SUN5: variants seen among roughly 807,000 people sequenced by gnomAD.
SUN5 encodes Sad1 and UNC84 domain containing 5, also known as SUN domain-containing protein 5.
A neutral mutation model predicts 53.7 loss-of-function variants in SUN5; 44 were observed. The observed-to-expected ratio is 0.82, with a 90% CI of 0.64 to 1.05. The LOEUF is 1.05. Among genes scored for constraint, SUN5 ranks in the 50% least tolerant of loss-of-function variants. The probability of loss-of-function intolerance (pLI) is 0.00; values close to 1 mark genes in which losing one functional copy is unlikely to be tolerated. For missense variants in SUN5, 433 were observed against 483.8 expected, an observed-to-expected ratio of 0.90 and a Z score of 0.98; for synonymous variants, 166 against 179.8, an observed-to-expected ratio of 0.92 and a Z score of 0.62.
chr20:33,003,024 G>T, intron 1 of SUN5, 105 bp from the exon 2 acceptor site: 2 of 1,334,892 alleles, frequency 1.5e-6, no homozygotes, highest in South Asian at 2.6e-5. Flanking sequence ...GTACAGAGAA[G>T]GTTTCCCAAC....
At position 32,996,373 on chromosome 20, in the gene SUN5, A is replaced by G; in HGVS notation, c.391-15T>C. 6.2e-7 allele frequency: 1 copy of G among 1,611,556 alleles called. No individual in the cohort carries two copies. The highest frequency in any genetic ancestry group is 8.5e-7 in the Non-Finnish European group (1 of 1,178,326). ...ATGCTGTCATCCTGGTGGAGTATTG[A>G]GAAAGTAAGGGGTCTCCTTCAGATG... On this transcript the variant is annotated splice_polypyrimidine_tract_variant and intron_variant, in intron 6 of 12. Transcript: ENST00000356173.
intron 3 of SUN5, among the ~76,000 whole-genome samples, chr20:33,001,803 G>T (rs1266875753): frequency 6.6e-6 from 1 of 151,646 alleles, no homozygotes; most frequent in African/African-American, 2.4e-5. Flanking sequence ...TGAGTAGCTG[G>T]GACTACAAGT....
rs1276054970 is a variant in SUN5 at position 32,997,743 on chromosome 20, G to T, written c.341-56C>A. Reference sequence around the variant, plus strand: ...TTTAACATGCAAGATGAAGAGCCTAGGTGCTGGAGTTAGGACATCTGGGTT... The same window carrying T: ...TTTAACATGCAAGATGAAGAGCCTATGTGCTGGAGTTAGGACATCTGGGTT... On this transcript the variant is annotated intron_variant, in intron 5 of 12. Transcript: ENST00000356173. 13 of 1,599,316 alleles carry T rather than the reference G, an allele frequency of 8.1e-6. No individual in the cohort carries two copies. In the East Asian group the frequency reaches 2.7e-4, roughly 33 times the overall value.
At chr20:33,003,778 C>T (rs1990116280) in intron 1 of SUN5, among the ~76,000 whole-genome samples, 1 of 152,060 alleles carries the variant, frequency 6.6e-6, no homozygotes, top group Admixed American at 6.6e-5. Context: ...TACATTCTAG[C>T]CTGGTTATTT....
Position 33,002,592 on chromosome 20 carries a change from C to T in SUN5, c.206G>A (p.Cys69Tyr). Residue 69 changes from cysteine (C) to tyrosine (Y), a missense_variant, in exon 3 of 13, where the codon TGT (cysteine) becomes TAT (tyrosine). Transcript: ENST00000356173. Reference sequence around the variant, plus strand: ...ATTATTCAGTATATACGTACACACACATCCCAGCATGCACTGAGTCAGGCC... The same window carrying T: ...ATTATTCAGTATATACGTACACACATATCCCAGCATGCACTGAGTCAGGCC... ...ALGLTQCMLG[C>Y]VSWFTCFACS... 1.2e-6 allele frequency: 2 copies of T among 1,614,224 alleles called. No individual in the cohort carries two copies. Among genetic ancestry groups the T allele is most frequent in the South Asian group, 2.2e-5 (2 of 91,074 alleles).
In SUN5 at chr20:33,000,652, C is replaced by T. The variant is rs541546097; in HGVS notation, c.279-517G>A. Among the ~76,000 whole-genome samples the T allele has an allele frequency of 4.6e-5, 7 of 152,096 alleles. No homozygotes were observed. In the South Asian group the frequency reaches 1.5e-3, roughly 32 times the overall value. ...AGGATCACTGGAGTTTGAGACCAGC[C>T]TGGGCAACATGGTGAAACTCTGTCT... is the stretch of plus-strand genomic sequence containing the variant. On this transcript the variant is annotated intron_variant, in intron 4 of 12. Transcript: ENST00000356173.
intron 8 of SUN5, among the ~76,000 whole-genome samples, chr20:32,991,305 A>G (rs1478303269): frequency 6.6e-6 from 1 of 152,204 alleles, no homozygotes; most frequent in Non-Finnish European, 1.5e-5. Context: ...ATGCCTTTGG[A>G]TTCTGCCTTT....
chr20:32,990,217 T>G (rs561135626), intron 8 of SUN5, among the ~76,000 whole-genome samples: 1 of 152,188 alleles, frequency 6.6e-6, no homozygotes, highest in Admixed American at 6.5e-5. Context: ...GGCACAAAGG[T>G]GTAGCTTGTT....
At position 33,002,599 on chromosome 20, in the gene SUN5, G is replaced by A. The variant is rs777306625; in HGVS notation, c.199C>T (p.Leu67=). 3 of 1,614,176 alleles carry A rather than the reference G, an allele frequency of 1.9e-6. No individual in the cohort carries two copies. The highest frequency in any genetic ancestry group is 2.5e-6 in the Non-Finnish European group (3 of 1,180,008). ...DQALGLTQCM[L]GCVSWFTCFA... ...AGTATATACGTACACACACATCCCA[G>A]CATGCACTGAGTCAGGCCTAGGGCT... The change falls in exon 3 of 13, where the codon CTG becomes TTG. Residue 67 remains leucine, a synonymous_variant. Transcript: ENST00000356173.
chr20:32,984,992 A>C (rs1989495318), intron 12 of SUN5, 107 bp downstream of exon 12: 1 of 1,202,914 alleles, frequency 8.3e-7, no homozygotes, highest in Non-Finnish European at 1.2e-6. Flanking sequence ...GTTAGTCATG[A>C]CTGGGCACCT....
intron 8 of SUN5, among the ~76,000 whole-genome samples, chr20:32,991,568 G>C (rs759438222): frequency 1.3e-5 from 2 of 152,100 alleles, no homozygotes; most frequent in Non-Finnish European, 2.9e-5. Flanking sequence ...TCATAGCGGG[G>C]CTTCCCTCCC....
intron 8 of SUN5, among the ~76,000 whole-genome samples, chr20:32,991,813 G>T (rs148508580): frequency 1.8e-4 from 28 of 152,280 alleles, no homozygotes; most frequent in African/African-American, 6.5e-4. Context: ...TAAAGTTGAT[G>T]GATCGAAGAC....
Position 33,002,931 on chromosome 20 carries a change from A to G in SUN5, c.78-12T>C, listed in dbSNP as rs763821508. The G allele has an allele frequency of 6.2e-7, 1 of 1,614,000 alleles. No homozygotes were observed. The highest frequency in any genetic ancestry group is 8.5e-7 in the Non-Finnish European group (1 of 1,179,948). The stretch of plus-strand genomic sequence containing the variant: ...CTCGCTGGGCAATCCTGGGGATGAT[A>G]AGATTCATAGTCGCATTTTACAATT... On this transcript the variant is annotated splice_polypyrimidine_tract_variant and intron_variant, in intron 1 of 12. Transcript: ENST00000356173.
intron 12 of SUN5, among the ~76,000 whole-genome samples, chr20:32,984,251 C>T (rs375491897): frequency 2.2e-3 from 337 of 152,252 alleles, no homozygotes; most frequent in African/African-American, 7.9e-3. Context: ...CTGCCCCGCC[C>T]GTAAGATGGG....
chr20:32,990,049 G>A (rs771327409), intron 8 of SUN5, among the ~76,000 whole-genome samples: 9 of 152,120 alleles, frequency 5.9e-5, no homozygotes, highest in East Asian at 1.9e-4. Flanking sequence ...CCTGTAAGAC[G>A]GGGACAATAA....
At chr20:32,984,371 G>A (rs1465751889) in intron 12 of SUN5, among the ~76,000 whole-genome samples, 3 of 152,164 alleles carry the variant, frequency 2.0e-5, no homozygotes, top group Non-Finnish European at 4.4e-5. Context: ...ACAGACTCCC[G>A]GCACATAGTA....
chr20:33,000,950 A>G (rs1183052977), intron 4 of SUN5, among the ~76,000 whole-genome samples: 5 of 152,060 alleles, frequency 3.3e-5, no homozygotes, highest in Admixed American at 6.5e-5. Context: ...TGCTGGCCCA[A>G]TGGGTCCCTG....
intron 3 of SUN5, among the ~76,000 whole-genome samples, chr20:33,001,519 C>CTTTCTTTCTTTTTCTTTCTTTCTTTCT (rs68051515): frequency 8.2e-6 from 1 of 121,324 alleles, no homozygotes; most frequent in African/African-American, 3.5e-5. Flanking sequence ...TTCTTTCTTT[C>CTTTCTTTCTTTTTCTTTCTTTCTTTCT]TTCTTTCTTT....
intron 9 of SUN5, 47 bp from the exon 10 acceptor site, chr20:32,987,822 G>T (rs760248766): frequency 2.0e-6 from 3 of 1,517,868 alleles, no homozygotes; most frequent in Admixed American, 1.8e-5. Context: ...GCTTCTGCCT[G>T]GTGGAGGGGA....
Sources: gnomAD v4.1 joint callset for allele counts (sites outside exome capture counted in the v4.1 genomes callset) on GRCh38, gnomAD v4.1.1 for gene constraint, MANE v1.5 for transcripts, NCBI Gene and HGNC (gene_info 2026-07-23, HGNC 2026-07-21) for gene names.